Variants in CLIP3 observed in about 807,000 individuals in gnomAD.
CLIP3 encodes the protein CAP-Gly domain-containing linker protein 3.
Under a neutral mutation model 59.4 loss-of-function variants are expected in CLIP3, and 15 were observed. The observed-to-expected ratio is 0.25, with a 90% CI of 0.17 to 0.39. The LOEUF (loss-of-function observed/expected upper bound fraction) is 0.39, where lower values mean the gene tolerates loss of function less well. Among genes scored for constraint, CLIP3 ranks in the 10% least tolerant of loss-of-function variants. The pLI is 1.00. For missense variants in CLIP3, 495 were observed against 765.7 expected, an observed-to-expected ratio of 0.65 and a Z score of 4.17; for synonymous variants, 300 against 321.6, an observed-to-expected ratio of 0.93 and a Z score of 0.72.
At chr19:36,018,175 GA>G (rs1034010336) in intron 9 of CLIP3, among the ~76,000 whole-genome samples, 184 bp from the exon 10 acceptor site, 1 of 152,170 alleles carries the variant, frequency 6.6e-6, no homozygotes, top group Non-Finnish European at 1.5e-5. Context: ...AGAACCTGAA[GA>G]ACCCCAAAAT....
At position 36,032,827 on chromosome 19, in the gene CLIP3, G is replaced by C. The variant is rs1202856845; in HGVS notation, c.-162C>G. 1 of 152,630 alleles carries C rather than the reference G, an allele frequency of 6.6e-6. No homozygotes were observed. Among genetic ancestry groups the C allele is most frequent in the Non-Finnish European group, 1.5e-5 (1 of 68,336 alleles). The allele number at this position is 152,630 out of a possible 1,614,324, so 9.5% of individuals were successfully genotyped here. On this transcript the variant is annotated 5_prime_UTR_variant, in exon 1 of 14. Coordinates refer to ENST00000360535, the MANE Select transcript of CLIP3 (RefSeq NM_015526.3). The surrounding 1 kb of genome is among the most constrained non-coding windows in gnomAD (Gnocchi z 4.3). ...TGATGGGGGAGGCAAGGGAGACAGA[G>C]AGAAGGGGACGAGGCCCAGACGCCG...
intron 2 of CLIP3, among the ~76,000 whole-genome samples, chr19:36,031,398 C>G (rs1969263645): frequency 6.6e-6 from 1 of 152,170 alleles, no homozygotes; most frequent in African/African-American, 2.4e-5. Context: ...CTTGTTTAGT[C>G]TCTCCTTCTC....
At chr19:36,019,090 C>T (rs1457552822) in intron 8 of CLIP3, 64 bp from the exon 9 acceptor site, 6 of 1,598,502 alleles carry the variant, frequency 3.8e-6, no homozygotes, top group Non-Finnish European at 4.3e-6. Flanking sequence ...CATCCTCCAT[C>T]CCCTATTTCC....
At position 36,032,415 on chromosome 19, in the gene CLIP3, C is replaced by T; in HGVS notation, c.-58G>A. On this transcript the variant is annotated splice_region_variant and 5_prime_UTR_variant, in exon 2 of 14. Transcript: ENST00000360535. This position sits in a 1 kb window ranked among gnomAD's most constrained non-coding sequence, Gnocchi z 4.3. ...AGTTGGGGGCAGCCTTCAGGCAAATCCTGGAGGCAGAGGTCAGCTGGAGAG... is the reference window on the plus strand; with the variant it reads ...AGTTGGGGGCAGCCTTCAGGCAAATTCTGGAGGCAGAGGTCAGCTGGAGAG... The T allele has an allele frequency of 1.2e-6, 1 of 851,658 alleles. No individual in the cohort carries two copies. The highest frequency in any genetic ancestry group is 1.6e-6 in the Non-Finnish European group (1 of 630,054). 52.8% of individuals were successfully genotyped at this position (851,658 alleles called of 1,614,324 possible). A position where few individuals can be genotyped will look rare whatever the true frequency, so the allele number is the denominator to read the frequency against.
At chr19:36,020,493 AC>A (rs149678815) in intron 7 of CLIP3, among the ~76,000 whole-genome samples, 17,180 of 151,122 alleles carry the variant, frequency 0.11, 2,474 homozygotes, top group African/African-American at 0.34. Context: ...AATCCCAGCT[AC>A]TCGGGAGGCT....
At position 36,016,224 on chromosome 19, in the gene CLIP3, G is replaced by A; in HGVS notation, c.1590-12C>T. 10 of 1,614,054 alleles carry A rather than the reference G, an allele frequency of 6.2e-6. No homozygotes were observed. The highest frequency in any genetic ancestry group is 1.1e-5 in the South Asian group (1 of 91,082). ...AGCAGAACAGCAACCTGGAAAGGAG[G>A]ATGACAGGGTCACGCCCTTAGGCAG... On this transcript the variant is annotated splice_polypyrimidine_tract_variant and intron_variant, in intron 13 of 13. Coordinates refer to ENST00000360535, the MANE Select transcript of CLIP3 (RefSeq NM_015526.3). The surrounding 1 kb of genome is among the most constrained non-coding windows in gnomAD (Gnocchi z 4.1).
Position 36,027,019 on chromosome 19 carries a change from G to A in CLIP3, c.333C>T (p.Asn111=). 1.3e-6 allele frequency: 2 copies of A among 1,599,514 alleles called. No homozygotes were observed. The highest frequency in any genetic ancestry group is 1.7e-6 in the Non-Finnish European group (2 of 1,174,624). ...NEILRRGCHV[N]DRDGLTDMTL... is the part of the protein sequence containing the mutation. Reference sequence around the variant, plus strand: ...TCATGTCGGTCAGCCCGTCACGATCGTTCACATGGCAGCCTCGGCGCAGAA... The same window carrying A: ...TCATGTCGGTCAGCCCGTCACGATCATTCACATGGCAGCCTCGGCGCAGAA... Residue 111 remains asparagine (N), a synonymous_variant, in exon 4 of 14, where the codon AAC becomes AAT. Coordinates refer to ENST00000360535, the MANE Select transcript of CLIP3 (RefSeq NM_015526.3).
At position 36,026,928 on chromosome 19, in the gene CLIP3, G is replaced by A. The variant is rs368684603; in HGVS notation, c.400+24C>T. 4.6e-6 allele frequency: 7 copies of A among 1,528,416 alleles called. No individual in the cohort carries two copies. In the Admixed American group the frequency reaches 8.7e-5, roughly 19 times the overall value. 94.7% of individuals were successfully genotyped at this position (1,528,416 alleles called of 1,614,324 possible). A position where few individuals can be genotyped will look rare whatever the true frequency, so the allele number is the denominator to read the frequency against. Reference sequence around the variant, plus strand: ...TGGGGGCCTAGGCTTTGGGGCTTATGACTTGGGGGTAGGGGGCCCTCACCG... The same window carrying A: ...TGGGGGCCTAGGCTTTGGGGCTTATAACTTGGGGGTAGGGGGCCCTCACCG... On this transcript the variant is annotated intron_variant, in intron 4 of 13. Transcript: ENST00000360535. This position sits in a 1 kb window ranked among gnomAD's most constrained non-coding sequence, Gnocchi z 6.3.
rs1365945844 is a variant in CLIP3 at position 36,014,932 on chromosome 19, T to C, written c.*1226A>G. The C allele has an allele frequency of 6.6e-6, 1 of 152,276 alleles. No individual in the cohort carries two copies. Among genetic ancestry groups the C allele is most frequent in the Non-Finnish European group, 1.5e-5 (1 of 68,070 alleles). The allele number at this position is 152,276 out of a possible 1,614,324, so 9.4% of individuals were successfully genotyped here. A position where few individuals can be genotyped will look rare whatever the true frequency, so the allele number is the denominator to read the frequency against. ...CCTTCCATTTATTAGAGATGGAGGCTTTAGGATTTGGGGTTCCCTTAGGGC... is the reference window on the plus strand; with the variant it reads ...CCTTCCATTTATTAGAGATGGAGGCCTTAGGATTTGGGGTTCCCTTAGGGC... On this transcript the variant is annotated 3_prime_UTR_variant, in exon 14 of 14. Transcript: ENST00000360535.
chr19:36,018,986 G>A lies in CLIP3; in HGVS notation c.1095C>T (p.Asp365=), dbSNP rs566880466. The A allele has an allele frequency of 1.7e-5, 28 of 1,601,938 alleles. No homozygotes were observed. Among genetic ancestry groups the A allele is most frequent in the East Asian group, 2.2e-5 (1 of 44,854 alleles). The stretch of plus-strand genomic sequence containing the variant: ...TGGAGGTGACAGAGGAGGGGGGTGC[G>A]TCCACTGCCTTGGAGATCTTGGACA... ...ASVSKISKAV[D]APPSSVTSTP... is the part of the protein sequence containing the mutation. Residue 365 remains aspartate, a synonymous_variant, in exon 9 of 14, where the codon GAC becomes GAT. Coordinates refer to ENST00000360535, the MANE Select transcript of CLIP3 (RefSeq NM_015526.3).
chr19:36,024,462 T>C lies in CLIP3; in HGVS notation c.852A>G (p.Pro284=), dbSNP rs373110302. 34 of 1,614,108 alleles carry C rather than the reference T, an allele frequency of 2.1e-5. No homozygotes were observed. The highest frequency in any genetic ancestry group is 2.1e-5 in the Non-Finnish European group (25 of 1,180,044). The stretch of plus-strand genomic sequence containing the variant: ...CCAGTGCGCTAAGCATGAGATTGCC[T>C]GGGACGTTGTCATAGTTGGGTAGCG... The part of the protein sequence containing the change: ...KVTLPNYDNV[P]GNLMLSALGL... The change falls in exon 7 of 14, where the codon CCA becomes CCG. Residue 284 remains proline (P), a synonymous_variant. Coordinates refer to ENST00000360535, the MANE Select transcript of CLIP3 (RefSeq NM_015526.3).
Position 36,031,930 on chromosome 19 carries a change from T to A in CLIP3, c.166+262A>T, listed in dbSNP as rs190300205. The stretch of plus-strand genomic sequence containing the variant: ...CCCCAGCCCCTAGCATAAAGCCAGG[T>A]CCACAGCCGCTTTCAAAAAATGATT... On this transcript the variant is annotated intron_variant, in intron 2 of 13. Coordinates refer to ENST00000360535, the MANE Select transcript of CLIP3 (RefSeq NM_015526.3). Among the ~76,000 whole-genome samples, 11 of 152,232 alleles carry A rather than the reference T, an allele frequency of 7.2e-5. No homozygotes were observed. The East Asian group carries it at 1.9e-3, about 27-fold the overall frequency.
In CLIP3 at chr19:36,016,579, C is replaced by A. The variant is rs1968805459; in HGVS notation, c.1589+328G>T. Among the ~76,000 whole-genome samples the A allele has an allele frequency of 1.3e-5, 2 of 152,190 alleles. No homozygotes were observed. Among genetic ancestry groups the A allele is most frequent in the Admixed American group, 1.3e-4 (2 of 15,274 alleles). The stretch of plus-strand genomic sequence containing the variant: ...GCCAGGCTGGTCTTGAACTCCTGAC[C>A]TCAGGTGATCCGCCTGCCTTGGCCT... On this transcript the variant is annotated intron_variant, in intron 13 of 13. Transcript: ENST00000360535. The surrounding 1 kb of genome is among the most constrained non-coding windows in gnomAD (Gnocchi z 4.1).
In CLIP3 at chr19:36,027,219, G is replaced by T; in HGVS notation, c.219C>A (p.Asp73Glu). ...NDPACQEILF[D>E]PQTTIPELFA... ...ACAGCTCGGGGATGGTGGTCTGAGG[G>T]TCAAACAGGATCTCCTGGCACGCCG... Residue 73 changes from aspartate (D) to glutamate (E), a missense_variant, in exon 3 of 14, where the codon GAC (aspartate) becomes GAA (glutamate). Coordinates refer to ENST00000360535, the MANE Select transcript of CLIP3 (RefSeq NM_015526.3). 6.2e-7 allele frequency: 1 copy of T among 1,613,592 alleles called. No homozygotes were observed.
chr19:36,021,221 T>C (rs1968943571), intron 7 of CLIP3, among the ~76,000 whole-genome samples: 1 of 152,046 alleles, frequency 6.6e-6, no homozygotes, highest in African/African-American at 2.4e-5. Context: ...AGGGGACTTA[T>C]TGAGCCTCAG....
intron 6 of CLIP3, 98 bp from the exon 7 acceptor site, chr19:36,024,730 G>A (rs968580201): frequency 2.4e-5 from 29 of 1,189,956 alleles, no homozygotes; most frequent in Non-Finnish European, 3.4e-5. Flanking sequence ...GGTGATGCAG[G>A]GGTAAGACTA....
chr19:36,019,035 A>G lies in CLIP3; in HGVS notation c.1055-9T>C, dbSNP rs1313110803. ...CACGGAGGCAAAGAGACCTAGGGGT[A>G]CAGAATCCGAGCCTGGTGTTGTCCA... On this transcript the variant is annotated splice_polypyrimidine_tract_variant and intron_variant, in intron 8 of 13. Transcript: ENST00000360535. The G allele has an allele frequency of 3.2e-6, 5 of 1,583,508 alleles. No homozygotes were observed. Among genetic ancestry groups the G allele is most frequent in the Non-Finnish European group, 4.3e-6 (5 of 1,163,256 alleles).
At position 36,021,639 on chromosome 19, in the gene CLIP3, G is replaced by C. The variant is rs376706535; in HGVS notation, c.919-2333C>G. 1.8e-4 allele frequency among the ~76,000 whole-genome samples: 27 copies of C among 152,064 alleles called. No individual in the cohort carries two copies. The South Asian group carries it at 5.0e-3, about 28-fold the overall frequency. On this transcript the variant is annotated intron_variant, in intron 7 of 13. Coordinates refer to ENST00000360535, the MANE Select transcript of CLIP3 (RefSeq NM_015526.3). ...AGGTCTCACTATGTTGCCCAGGCTG[G>C]TCTCGAATTCCTGGGCTCAAGCGAT...
Position 36,026,053 on chromosome 19 carries a change from T to A in CLIP3, c.681+94A>T. 1 of 862,514 alleles carries A rather than the reference T, an allele frequency of 1.2e-6. No homozygotes were observed. The highest frequency in any genetic ancestry group is 1.9e-6 in the Non-Finnish European group (1 of 517,856). The allele number at this position is 862,514 out of a possible 1,614,324, so 53.4% of individuals were successfully genotyped here. On this transcript the variant is annotated intron_variant, in intron 6 of 13. Transcript: ENST00000360535. The surrounding 1 kb of genome is among the most constrained non-coding windows in gnomAD (Gnocchi z 6.3). The stretch of plus-strand genomic sequence containing the variant: ...AATGTACAGACGGCATTTGTAGTAT[T>A]TGGGGAGTCACGGGAAACGCAGAGA...
Sources: gnomAD v4.1 joint callset for allele counts (sites outside exome capture counted in the v4.1 genomes callset) on GRCh38, gnomAD v4.1.1 for gene constraint, Gnocchi (gnomAD v3.1) non-coding constraint, MANE v1.5 for transcripts, NCBI Gene and HGNC (gene_info 2026-07-23, HGNC 2026-07-21) for gene names.